Variants in ATG10 observed in about 807,000 individuals in gnomAD.
ATG10 encodes autophagy related 10, also known as ubiquitin-like-conjugating enzyme ATG10.
A neutral mutation model predicts 32.1 loss-of-function variants in ATG10; 30 were observed. The ratio of observed to expected loss-of-function variants is 0.94; its 90% CI spans 0.70 to 1.27. The LOEUF (loss-of-function observed/expected upper bound fraction) is 1.27, where lower values mean the gene tolerates loss of function less well. Among genes scored for constraint, ATG10 ranks in the 50% most tolerant of loss-of-function variants. The pLI, the probability that ATG10 is intolerant of heterozygous loss-of-function variation, is 0.00. For missense variants in ATG10, 233 were observed against 262.3 expected, an observed-to-expected ratio of 0.89 and a Z score of 0.77; for synonymous variants, 87 against 91.5, an observed-to-expected ratio of 0.95 and a Z score of 0.28.
chr5:82,172,326 C>T (rs771322322), intron 4 of ATG10, among the ~76,000 whole-genome samples: 1 of 152,082 alleles, frequency 6.6e-6, no homozygotes, highest in South Asian at 2.1e-4. Context: ...AGTTCTGATT[C>T]CTAGCTCTGC....
Position 82,237,441 on chromosome 5 carries a change from C to T in ATG10, c.454-15121C>T, listed in dbSNP as rs571910238. On this transcript the variant is annotated intron_variant, in intron 5 of 7. Coordinates refer to ENST00000282185, the MANE Select transcript of ATG10 (RefSeq NM_031482.5). Reference sequence around the variant, plus strand: ...GGCGGATCACCTGAGGTCAGGAGTTCGAGACCAGCCTGACCAACATGATGA... The same window carrying T: ...GGCGGATCACCTGAGGTCAGGAGTTTGAGACCAGCCTGACCAACATGATGA... Among the ~76,000 whole-genome samples the T allele has an allele frequency of 3.3e-5, 5 of 152,094 alleles. No homozygotes were observed. The South Asian group carries it at 6.2e-4, about 19-fold the overall frequency.
intron 3 of ATG10, among the ~76,000 whole-genome samples, chr5:82,063,699 C>CCGG (rs1295276277): frequency 1.3e-5 from 2 of 152,148 alleles, no homozygotes; most frequent in East Asian, 3.9e-4. Flanking sequence ...ACCATGTTGG[C>CCGG]CAGGCTGGTC....
intron 2 of ATG10, among the ~76,000 whole-genome samples, chr5:82,056,993 G>A (rs1763623035): frequency 6.6e-6 from 1 of 151,626 alleles, no homozygotes; most frequent in Non-Finnish European, 1.5e-5. Context: ...ATTTAAAACA[G>A]TAATTCCATC....
chr5:82,047,439 A>G (rs909073108), intron 2 of ATG10, among the ~76,000 whole-genome samples: 5 of 152,232 alleles, frequency 3.3e-5, no homozygotes, highest in African/African-American at 1.2e-4. Context: ...AGTGTGTTTA[A>G]ACTTACTTTT....
intron 2 of ATG10, among the ~76,000 whole-genome samples, chr5:82,009,093 T>A (rs953457934): frequency 6.6e-6 from 1 of 152,200 alleles, no homozygotes; most frequent in Non-Finnish European, 1.5e-5. Flanking sequence ...TACATCTTGC[T>A]CCACAGTATG....
intron 5 of ATG10, among the ~76,000 whole-genome samples, chr5:82,196,671 G>A (rs1744862421): frequency 6.6e-6 from 1 of 151,940 alleles, no homozygotes; most frequent in Non-Finnish European, 1.5e-5. Context: ...AATTATCTTG[G>A]CACCCTTGTC....
At chr5:82,234,224 G>C (rs565321025) in intron 5 of ATG10, among the ~76,000 whole-genome samples, 1 of 152,288 alleles carries the variant, frequency 6.6e-6, no homozygotes, top group East Asian at 1.9e-4. Flanking sequence ...TAGGCAGATG[G>C]GGGAGGGTAA....
At chr5:82,087,787 G>A (rs1332163274) in intron 3 of ATG10, among the ~76,000 whole-genome samples, 1 of 151,572 alleles carries the variant, frequency 6.6e-6, no homozygotes, top group South Asian at 2.1e-4. Flanking sequence ...TTGCTGAGAG[G>A]GTAGATCTTA....
chr5:82,050,839 CAAAAAAAAAAAA>C (rs71000881), intron 2 of ATG10, among the ~76,000 whole-genome samples: 25 of 36,300 alleles, frequency 6.9e-4, no homozygotes, highest in African/African-American at 2.1e-3. Flanking sequence ...CCATCTCTAC[CAAAAAAAAAAAA>C]AAAAAAAAAA....
At chr5:81,984,407 G>A (rs1290798284) in intron 1 of ATG10, among the ~76,000 whole-genome samples, 1 of 152,226 alleles carries the variant, frequency 6.6e-6, no homozygotes, top group Non-Finnish European at 1.5e-5. Flanking sequence ...AGCATCAGAG[G>A]GAGACCGTGG....
intron 3 of ATG10, among the ~76,000 whole-genome samples, chr5:82,133,860 T>G (rs996209289): frequency 1.3e-5 from 2 of 152,106 alleles, no homozygotes; most frequent in African/African-American, 2.4e-5. Flanking sequence ...GAGCATGGAA[T>G]GTTTTTCCAT....
chr5:82,146,663 T>C (rs1767373262), intron 3 of ATG10, among the ~76,000 whole-genome samples: 1 of 151,846 alleles, frequency 6.6e-6, no homozygotes, highest in Non-Finnish European at 1.5e-5. Flanking sequence ...TCATCTATCC[T>C]GTAGTTTATT....
At chr5:82,235,129 C>G (rs982879884) in intron 5 of ATG10, among the ~76,000 whole-genome samples, 1 of 152,152 alleles carries the variant, frequency 6.6e-6, no homozygotes, top group Non-Finnish European at 1.5e-5. Context: ...TGTCAGAAAC[C>G]ACGTGCCTTG....
chr5:82,005,552 C>T (rs1052587447), intron 2 of ATG10, among the ~76,000 whole-genome samples: 2 of 152,200 alleles, frequency 1.3e-5, no homozygotes, highest in African/African-American at 4.8e-5. Flanking sequence ...GCCTGTGCCT[C>T]CCAAAGTGCT....
intron 3 of ATG10, among the ~76,000 whole-genome samples, chr5:82,087,213 A>G (rs1296931765): frequency 6.6e-6 from 1 of 152,214 alleles, no homozygotes; most frequent in African/African-American, 2.4e-5. Context: ...AAGGAGAAAT[A>G]AACATGGTTT....
intron 5 of ATG10, among the ~76,000 whole-genome samples, chr5:82,225,190 TC>T (rs1166402096): frequency 6.6e-6 from 1 of 152,176 alleles, no homozygotes; most frequent in Non-Finnish European, 1.5e-5. Flanking sequence ...TAAGAGTCTC[TC>T]ACTGTGTCAG....
At chr5:82,049,350 A>T (rs1482298948) in intron 2 of ATG10, among the ~76,000 whole-genome samples, 1 of 140,892 alleles carries the variant, frequency 7.1e-6, no homozygotes, top group Non-Finnish European at 1.5e-5. Context: ...TTGAACAATG[A>T]GAACACATGG....
In ATG10 at chr5:82,175,223, T is replaced by G. The variant is rs1415592597; in HGVS notation, c.356-3267T>G. Among the ~76,000 whole-genome samples the G allele has an allele frequency of 2.6e-5, 4 of 152,128 alleles. No homozygotes were observed. The South Asian group carries it at 6.2e-4, about 24-fold the overall frequency. On this transcript the variant is annotated intron_variant, in intron 4 of 7. Transcript: ENST00000282185. Reference sequence around the variant, plus strand: ...AGTGCTTATTCTGAAGAAAAAGAAATAAAGCTTTGCCAGGCCTCATTGGGA... The same window carrying G: ...AGTGCTTATTCTGAAGAAAAAGAAAGAAAGCTTTGCCAGGCCTCATTGGGA...
chr5:81,989,944 A>G (rs1761407516), intron 2 of ATG10, among the ~76,000 whole-genome samples: 1 of 152,154 alleles, frequency 6.6e-6, no homozygotes, highest in Admixed American at 6.5e-5. Flanking sequence ...AGTTGAAACA[A>G]CTGTAATTTT....
Sources: allele counts gnomAD v4.1 joint callset (sites outside exome capture counted in the v4.1 genomes callset), GRCh38; gene constraint gnomAD v4.1.1; transcripts MANE v1.5; gene names NCBI Gene and HGNC (gene_info 2026-07-23, HGNC 2026-07-21).